Variants in PTPRG observed in about 807,000 individuals in gnomAD.
The protein encoded by PTPRG is receptor-type tyrosine-protein phosphatase gamma.
A neutral mutation model predicts 165.3 loss-of-function variants in PTPRG; 102 were observed. The ratio of observed to expected loss-of-function variants is 0.62; its 90% CI spans 0.53 to 0.73. The LOEUF is 0.73. PTPRG is among the 30% of genes least tolerant of loss of function. The pLI is 0.00. For missense variants in PTPRG, 1,866 were observed against 1,861.4 expected, an observed-to-expected ratio of 1.00 and a Z score of -0.05; for synonymous variants, 675 against 669.5, an observed-to-expected ratio of 1.01 and a Z score of -0.13.
Position 62,168,068 on chromosome 3 carries a change from A to G in PTPRG, c.938A>G (p.His313Arg), listed in dbSNP as rs566567864. The change falls in exon 8 of 30, where the codon CAT (histidine) becomes CGT (arginine). Residue 313 changes from histidine (H) to arginine (R), a missense_variant. By Grantham distance (29) the His-to-Arg change is conservative. Around this residue, in one of 3 missense-constraint regions of PTPRG, gnomAD observed 1,452 missense variants for 1,463.0 expected, o/e 0.99. Transcript: ENST00000474889. Reference protein sequence around the residue: ...RNNFRPQQRLHDRVVSKSAVR... With the variant: ...RNNFRPQQRLRDRVVSKSAVR... ...AACTTTCGACCACAGCAGCGTCTGC[A>G]TGACAGGGTGGTGTCCAAGTCCGCC... The G allele has an allele frequency of 6.2e-6, 10 of 1,614,064 alleles. No homozygotes were observed. Among genetic ancestry groups the G allele is most frequent in the African/African-American group, 2.7e-5 (2 of 75,022 alleles).
chr3:61,789,489 A>G (rs749210350), intron 2 of PTPRG, among the ~76,000 whole-genome samples: 3 of 152,224 alleles, frequency 2.0e-5, no homozygotes, highest in Admixed American at 1.3e-4. Flanking sequence ...AGACCAACAC[A>G]CAGATGGGTA....
Position 62,277,758 on chromosome 3 carries a change from G to T in PTPRG, c.3765+79G>T, listed in dbSNP as rs933832837. On this transcript the variant is annotated intron_variant, in intron 26 of 29. Transcript: ENST00000474889. The stretch of plus-strand genomic sequence containing the variant: ...AATTACTTTGATACTTTGCCATAGG[G>T]CTATAGTATCCATATATGCTAGGGA... 5 of 1,554,350 alleles carry T rather than the reference G, an allele frequency of 3.2e-6. No homozygotes were observed. The African/African-American group carries it at 6.8e-5, about 21-fold the overall frequency.
chr3:62,045,746 C>G (rs1326341620), intron 4 of PTPRG, among the ~76,000 whole-genome samples: 1 of 152,216 alleles, frequency 6.6e-6, no homozygotes, highest in African/African-American at 2.4e-5. Flanking sequence ...ACACAAGGTT[C>G]TGAGCATCCC....
intron 2 of PTPRG, among the ~76,000 whole-genome samples, chr3:61,843,754 G>A (rs954249369): frequency 6.6e-6 from 1 of 151,502 alleles, no homozygotes; most frequent in East Asian, 1.9e-4. Context: ...TTTTCTAACA[G>A]AGTGAAAGTA....
chr3:61,729,717 A>G (rs1438283273), intron 1 of PTPRG, among the ~76,000 whole-genome samples: 1 of 152,240 alleles, frequency 6.6e-6, no homozygotes, highest in Non-Finnish European at 1.5e-5. Flanking sequence ...TGATTGTTAG[A>G]ACAAAGGAGG....
intron 20 of PTPRG, among the ~76,000 whole-genome samples, chr3:62,270,140 G>A (rs761066651): frequency 3.3e-5 from 5 of 151,992 alleles, no homozygotes; most frequent in Admixed American, 1.3e-4. Flanking sequence ...AAAAAATGTA[G>A]TTATTCCACA....
At chr3:61,951,133 A>G (rs956445838) in intron 2 of PTPRG, among the ~76,000 whole-genome samples, 2 of 152,226 alleles carry the variant, frequency 1.3e-5, no homozygotes, top group African/African-American at 4.8e-5. Flanking sequence ...ATGCATGCCT[A>G]TACAGATTTT....
At chr3:62,022,531 G>T (rs865875097) in intron 4 of PTPRG, among the ~76,000 whole-genome samples, 55 of 152,192 alleles carry the variant, frequency 3.6e-4, no homozygotes, top group African/African-American at 1.2e-3. Flanking sequence ...CGGTGTGAAC[G>T]ATGCAGGTAG....
At position 62,273,878 on chromosome 3, in the gene PTPRG, C is replaced by T; in HGVS notation, c.3465+34C>T. 6.2e-7 allele frequency: 1 copy of T among 1,605,308 alleles called. No individual in the cohort carries two copies. The highest frequency in any genetic ancestry group is 8.5e-7 in the Non-Finnish European group (1 of 1,173,970). ...TTGAAAAAGTTTCTTTGGCATAAAG[C>T]AAGAAAATGTTTTAAATGCCTTGAG... On this transcript the variant is annotated intron_variant, in intron 23 of 29. Coordinates refer to ENST00000474889, the MANE Select transcript of PTPRG (RefSeq NM_002841.4). The surrounding 1 kb of genome is among the most constrained non-coding windows in gnomAD (Gnocchi z 4.1).
At chr3:61,803,121 C>T (rs1305476228) in intron 2 of PTPRG, among the ~76,000 whole-genome samples, 1 of 152,168 alleles carries the variant, frequency 6.6e-6, no homozygotes, top group Non-Finnish European at 1.5e-5. Context: ...TATTTCCTGT[C>T]AGGCACTTAC....
intron 12 of PTPRG, among the ~76,000 whole-genome samples, chr3:62,204,520 C>A (rs1243786841): frequency 6.6e-6 from 1 of 152,078 alleles, no homozygotes; most frequent in African/African-American, 2.4e-5. Flanking sequence ...AGCTGGAAAA[C>A]TAACTAACTG....
chr3:62,006,571 G>A (rs2041303209), intron 4 of PTPRG, among the ~76,000 whole-genome samples: 1 of 152,056 alleles, frequency 6.6e-6, no homozygotes, highest in Non-Finnish European at 1.5e-5. Flanking sequence ...TCAGCATTGG[G>A]GGCATTAATT....
At chr3:62,176,118 C>A (rs954591415) in intron 8 of PTPRG, among the ~76,000 whole-genome samples, 31 of 152,164 alleles carry the variant, frequency 2.0e-4, no homozygotes, top group African/African-American at 7.2e-4. Flanking sequence ...AGAGGACTTG[C>A]ACTGGAGTCT....
chr3:61,880,947 C>CT (rs199965020), intron 2 of PTPRG, among the ~76,000 whole-genome samples: 431 of 139,328 alleles, frequency 3.1e-3, no homozygotes, highest in Middle Eastern at 0.011. Context: ...GCTATGCTGT[C>CT]TTTTTTTTTT....
chr3:62,191,218 G>T (rs568022847), intron 8 of PTPRG, among the ~76,000 whole-genome samples: 127 of 151,968 alleles, frequency 8.4e-4, no homozygotes, highest in African/African-American at 2.9e-3. Context: ...TCCCGTGCAC[G>T]TGTGTGTGCA....
At position 62,203,762 on chromosome 3, in the gene PTPRG, C is replaced by G; in HGVS notation, c.1967C>G (p.Thr656Arg). Residue 656 changes from threonine to arginine, a missense_variant, in exon 12 of 30, where the codon ACG (threonine) becomes AGG (arginine). By Grantham distance (71) the Thr-to-Arg change is moderately conservative. Around this residue, in one of 3 missense-constraint regions of PTPRG, gnomAD observed 1,452 missense variants for 1,463.0 expected, o/e 0.99. Coordinates refer to ENST00000474889, the MANE Select transcript of PTPRG (RefSeq NM_002841.4). This position sits in a 1 kb window ranked among gnomAD's most constrained non-coding sequence, Gnocchi z 6.4. ...CACACTGCCGTCCCCACAGACCAGA[C>G]GGGCGGAAGGAGGGATGCCGGCCCA... ...QDHTAVPTDQ[T>R]GGRRDAGPGL... 3 of 1,609,342 alleles carry G rather than the reference C, an allele frequency of 1.9e-6. No homozygotes were observed. The Admixed American group carries it at 5.1e-5, about 27-fold the overall frequency.
intron 4 of PTPRG, among the ~76,000 whole-genome samples, chr3:62,032,887 A>T (rs1460003790): frequency 2.0e-5 from 3 of 152,190 alleles, no homozygotes; most frequent in Non-Finnish European, 4.4e-5. Flanking sequence ...TATTAATGCT[A>T]AGGGGAATCA....
chr3:62,158,227 C>A (rs1365158964), intron 7 of PTPRG, among the ~76,000 whole-genome samples: 1 of 152,176 alleles, frequency 6.6e-6, no homozygotes, highest in Non-Finnish European at 1.5e-5. Context: ...GGTTTGAATG[C>A]ATGGTTGGGG....
In PTPRG at chr3:61,991,296, C is replaced by G. The variant is rs1240169196; in HGVS notation, c.370+1492C>G. ...TCATGGTTCACTGCAACCTCCACCT[C>G]CTAGGTTCAAGCGATTCTCCTGCCT... On this transcript the variant is annotated intron_variant, in intron 3 of 29. Transcript: ENST00000474889. 6.6e-5 allele frequency among the ~76,000 whole-genome samples: 10 copies of G among 152,326 alleles called. No homozygotes were observed. The South Asian group carries it at 1.2e-3, about 19-fold the overall frequency.
Sources: allele counts gnomAD v4.1 joint callset (sites outside exome capture counted in the v4.1 genomes callset), GRCh38; gene constraint gnomAD v4.1.1; regional missense constraint gnomAD v4.1.1; non-coding constraint Gnocchi (gnomAD v3.1); transcripts MANE v1.5; gene names NCBI Gene and HGNC (gene_info 2026-07-23, HGNC 2026-07-21).